Variants in SCHIP1 observed in about 807,000 individuals in gnomAD.
SCHIP1 encodes schwannomin interacting protein 1, also known as schwannomin-interacting protein 1.
SCHIP1 carries 8 observed loss-of-function variants against 29.7 expected under a neutral mutation model. That is an observed-to-expected ratio of 0.27 (90% CI 0.16 to 0.49). SCHIP1 has a LOEUF of 0.49. Ranked by LOEUF, SCHIP1 falls within the 20% of genes least tolerant of loss-of-function variation. The pLI is 0.99. For synonymous variants in SCHIP1, 76 were observed against 94.9 expected, an observed-to-expected ratio of 0.80 and a Z score of 1.16; for missense variants, 193 against 294.6, an observed-to-expected ratio of 0.66 and a Z score of 2.52.
the SCHIP1 span, among the ~76,000 whole-genome samples, chr3:159,416,367 A>G: frequency 3.9e-5 from 6 of 152,176 alleles, no homozygotes; most frequent in South Asian, 4.1e-4. Flanking sequence ...ATTATTTTAT[A>G]TATGTATTTA....
chr3:159,470,146 T>C, the SCHIP1 span, among the ~76,000 whole-genome samples: 43 of 152,308 alleles, frequency 2.8e-4, no homozygotes, highest in Admixed American at 1.2e-3. Context: ...ACTTAAATGG[T>C]GTTATTACAA....
At chr3:159,274,752 C>T in the SCHIP1 span, 6 of 814,494 alleles carry the variant, frequency 7.4e-6, no homozygotes, top group Non-Finnish European at 8.9e-6. Flanking sequence ...TAAAAAGTAA[C>T]TTTAACAAAT....
At chr3:159,614,220 A>T in the SCHIP1 span, among the ~76,000 whole-genome samples, 1 of 152,182 alleles carries the variant, frequency 6.6e-6, no homozygotes, top group Admixed American at 6.5e-5. Flanking sequence ...TTGCATACAG[A>T]AATTTAAATT....
At chr3:159,388,544 T>C in the SCHIP1 span, among the ~76,000 whole-genome samples, 1 of 152,108 alleles carries the variant, frequency 6.6e-6, no homozygotes, top group Non-Finnish European at 1.5e-5. Flanking sequence ...TTCCTACAAA[T>C]CTTTTGTGGA....
the SCHIP1 span, among the ~76,000 whole-genome samples, chr3:159,670,524 A>G: frequency 6.6e-6 from 1 of 152,200 alleles, no homozygotes; most frequent in Non-Finnish European, 1.5e-5. Flanking sequence ...AAAACTCATC[A>G]TGAACTGTAT....
the SCHIP1 span, among the ~76,000 whole-genome samples, chr3:159,743,734 AG>A: frequency 6.6e-6 from 1 of 152,168 alleles, no homozygotes; most frequent in Non-Finnish European, 1.5e-5. Context: ...TGCTGTGAAG[AG>A]AATGTCTTAT....
the SCHIP1 span, among the ~76,000 whole-genome samples, chr3:159,647,541 T>C: frequency 6.6e-6 from 1 of 152,086 alleles, no homozygotes; most frequent in East Asian, 1.9e-4. Flanking sequence ...GAGAAGCAAA[T>C]TCCCATGACA....
At chr3:159,396,686 A>G in the SCHIP1 span, among the ~76,000 whole-genome samples, 7 of 152,142 alleles carry the variant, frequency 4.6e-5, no homozygotes, top group Non-Finnish European at 1.0e-4. Context: ...CTGCTGAGAG[A>G]TCCGCTGTTA....
chr3:159,469,252 G>C, the SCHIP1 span, among the ~76,000 whole-genome samples: 4 of 152,214 alleles, frequency 2.6e-5, no homozygotes, highest in Admixed American at 6.5e-5. Flanking sequence ...GAAGGTGAAA[G>C]AGGTGAATTT....
At chr3:159,554,410 T>C in the SCHIP1 span, among the ~76,000 whole-genome samples, 5 of 152,188 alleles carry the variant, frequency 3.3e-5, no homozygotes, top group Non-Finnish European at 7.3e-5. Flanking sequence ...TTTGTCTTTT[T>C]GGCCTTAGAT....
the SCHIP1 span, among the ~76,000 whole-genome samples, chr3:159,318,547 G>A: frequency 6.6e-6 from 1 of 152,216 alleles, no homozygotes; most frequent in African/African-American, 2.4e-5. Flanking sequence ...CCACTTTTGG[G>A]TGGTGCCTGC....
At chr3:159,448,477 GA>G in the SCHIP1 span, among the ~76,000 whole-genome samples, 3 of 151,722 alleles carry the variant, frequency 2.0e-5, no homozygotes, top group East Asian at 3.9e-4. Flanking sequence ...CTCAAAGAAA[GA>G]AAAAAAAGTA....
At chr3:159,371,301 T>A in the SCHIP1 span, among the ~76,000 whole-genome samples, 2 of 152,198 alleles carry the variant, frequency 1.3e-5, no homozygotes, top group African/African-American at 4.8e-5. Context: ...GGTCACAGAC[T>A]GTTGGTGTAA....
chr3:159,566,743 C>T, the SCHIP1 span, among the ~76,000 whole-genome samples: 11 of 151,958 alleles, frequency 7.2e-5, no homozygotes, highest in East Asian at 1.9e-4. Context: ...CTAAAACAGA[C>T]GAGGAGGAAA....
At chr3:159,847,823 T>G (rs1422035507) in intron 1 of SCHIP1, among the ~76,000 whole-genome samples, 1 of 152,234 alleles carries the variant, frequency 6.6e-6, no homozygotes, top group Non-Finnish European at 1.5e-5. Context: ...GGCCTGCATA[T>G]TTTCATGGCT....
chr3:159,478,205 G>A, the SCHIP1 span, among the ~76,000 whole-genome samples: 740 of 152,200 alleles, frequency 4.9e-3, 6 homozygotes, highest in Middle Eastern at 0.01. Flanking sequence ...TTACAGGCAT[G>A]AGCCACCACA....
chr3:159,291,305 A>C, the SCHIP1 span, among the ~76,000 whole-genome samples: 1 of 152,142 alleles, frequency 6.6e-6, no homozygotes, highest in Non-Finnish European at 1.5e-5. Flanking sequence ...ATTGGACACC[A>C]CTGTAACAAG....
the SCHIP1 span, among the ~76,000 whole-genome samples, chr3:159,411,827 T>A: frequency 2.6e-5 from 4 of 152,170 alleles, no homozygotes; most frequent in African/African-American, 4.8e-5. Flanking sequence ...CGCTTTGAGT[T>A]CTTAAATCAG....
chr3:159,868,211 GTA>G (rs1714863387), intron 2 of SCHIP1, among the ~76,000 whole-genome samples: 1 of 151,336 alleles, frequency 6.6e-6, no homozygotes, highest in Non-Finnish European at 1.5e-5. Context: ...GTGTGTGTGT[GTA>G]TATGTATACT....
Sources: allele counts gnomAD v4.1 joint callset (sites outside exome capture counted in the v4.1 genomes callset), GRCh38; gene constraint gnomAD v4.1.1; transcripts MANE v1.5; gene names NCBI Gene and HGNC (gene_info 2026-07-23, HGNC 2026-07-21).